Variants in F8 observed in about 807,000 individuals in gnomAD.
F8 encodes antihemophilic factor.
Under a neutral mutation model 140.6 loss-of-function variants are expected in F8, and 12 were observed. The ratio of observed to expected loss-of-function variants is 0.09; its 90% CI spans 0.05 to 0.14. The LOEUF is 0.14. Among genes scored for constraint, F8 ranks in the 10% least tolerant of loss-of-function variants. The probability of loss-of-function intolerance (pLI) is 1.00; values close to 1 mark genes in which losing one functional copy is unlikely to be tolerated. For missense variants in F8, 1,354 were observed against 1,720.7 expected, an observed-to-expected ratio of 0.79 and a Z score of 3.77; for synonymous variants, 585 against 614.6, an observed-to-expected ratio of 0.95 and a Z score of 0.71.
intron 13 of F8, among the ~76,000 whole-genome samples, chrX:154,945,427 A>G (rs1051696398): frequency 7.1e-5 from 8 of 112,149 alleles, no homozygotes; most frequent in South Asian, 3.7e-4. Context: ...GATTCATCCC[A>G]GGGATGCAAG....
intron 1 of F8, among the ~76,000 whole-genome samples, chrX:155,007,478 T>C (rs2073682581): frequency 8.9e-6 from 1 of 111,786 alleles, no homozygotes; most frequent in African/African-American, 3.3e-5. Context: ...ATATGCCATA[T>C]TGGGCCCAAC....
chrX:154,999,357 C>A (rs1351032564), intron 2 of F8, 122 bp downstream of exon 2: 3 of 758,278 alleles, frequency 4.0e-6, no homozygotes, highest in Non-Finnish European at 2.0e-6. Flanking sequence ...CTATAGGTAG[C>A]AGTTAGGGAA....
chrX:155,012,213 G>A (rs782504321), intron 1 of F8, among the ~76,000 whole-genome samples: 2 of 112,362 alleles, frequency 1.8e-5, no homozygotes, highest in South Asian at 3.6e-4. Context: ...CTGAAAATAA[G>A]TGATTTTTAC....
At chrX:154,838,939 A>AC (rs1254609155) in intron 25 of F8, among the ~76,000 whole-genome samples, 3 of 12,502 alleles carry the variant, frequency 2.4e-4, no homozygotes, top group Non-Finnish European at 3.0e-4. Context: ...CCACCCCCCC[A>AC]CCCCCCCAAG....
At chrX:154,857,766 A>G (rs188104414) in intron 25 of F8, among the ~76,000 whole-genome samples, 46 of 112,834 alleles carry the variant, frequency 4.1e-4, no homozygotes, top group African/African-American at 1.4e-3. Context: ...CTGAATGGGC[A>G]AAGGATGTGA....
At chrX:154,910,766 T>C (rs2073062807) in intron 14 of F8, among the ~76,000 whole-genome samples, 1 of 110,110 alleles carries the variant, frequency 9.1e-6, no homozygotes, top group Middle Eastern at 4.7e-3. Flanking sequence ...GGGTCTGTGC[T>C]GAGGAGGATT....
rs782379888 is a variant in F8, at chrX:154,945,105, C to T, written c.2113+2593G>A. ...TAATGGGTACAGCACACCAGCATGGCACATGTATACATATGTAACTAACCT... is the reference window on the plus strand; with the variant it reads ...TAATGGGTACAGCACACCAGCATGGTACATGTATACATATGTAACTAACCT... On this transcript the variant is annotated intron_variant, in intron 13 of 25. Coordinates refer to ENST00000360256, the MANE Select transcript of F8 (RefSeq NM_000132.4). 2.7e-5 allele frequency among the ~76,000 whole-genome samples: 3 copies of T among 110,066 alleles called. No individual in the cohort carries two copies. In the South Asian group the frequency reaches 1.2e-3, roughly 44 times the overall value.
At chrX:154,958,562 A>G (rs1557281397) in intron 10 of F8, among the ~76,000 whole-genome samples, 1 of 111,893 alleles carries the variant, frequency 8.9e-6, no homozygotes, top group Admixed American at 9.5e-5. Context: ...ATTCTTCCAT[A>G]AAGAAATGCA....
At chrX:154,964,721 G>T (rs2073414859) in intron 9 of F8, among the ~76,000 whole-genome samples, 1 of 111,271 alleles carries the variant, frequency 9.0e-6, no homozygotes, top group African/African-American at 3.3e-5. Context: ...ACAAGTAAGA[G>T]AATAAAATAT....
chrX:154,934,228 G>T, intron 13 of F8, among the ~76,000 whole-genome samples: 1 of 111,794 alleles, frequency 8.9e-6, no homozygotes, highest in East Asian at 2.8e-4. Flanking sequence ...AAAAAGAGTG[G>T]ATGCTCATGG....
At chrX:154,968,898 A>G (rs1557282272) in intron 7 of F8, among the ~76,000 whole-genome samples, 1 of 109,788 alleles carries the variant, frequency 9.1e-6, no homozygotes. Context: ...GAGCCCTTAC[A>G]GTTGCAATCT....
In F8 at chrX:154,860,504, C is replaced by T; in HGVS notation, c.6828G>A (p.Val2276=). 8.3e-7 allele frequency: 1 copy of T among 1,211,028 alleles called. No homozygotes were observed. The highest frequency in any genetic ancestry group is 1.1e-6 in the Non-Finnish European group (1 of 894,954). The change falls in exon 25 of 26, where the codon GTG becomes GTA. Residue 2276 remains valine, a synonymous_variant. Transcript: ENST00000360256. ...GVKSLLTSMY[V]KEFLISSSQD... is the part of the protein sequence containing the mutation. ...GACTGCTGGAGATGAGGAACTCCTTCACATACATGCTGGTAAGCAGAGATT... is the reference window on the plus strand; with the variant it reads ...GACTGCTGGAGATGAGGAACTCCTTTACATACATGCTGGTAAGCAGAGATT...
intron 25 of F8, among the ~76,000 whole-genome samples, chrX:154,839,524 G>A (rs184832892): frequency 0.067 from 7,367 of 109,411 alleles, 609 homozygotes; most frequent in African/African-American, 0.23. Flanking sequence ...CACCATGCCC[G>A]GCTCATTTTT....
intron 6 of F8, among the ~76,000 whole-genome samples, chrX:154,982,125 A>G (rs1350510761): frequency 9.1e-6 from 1 of 109,499 alleles, no homozygotes; most frequent in Non-Finnish European, 1.9e-5. Context: ...GGGAAGTTGC[A>G]GTGAGCTCAG....
At chrX:154,845,149 A>C (rs1286096039) in intron 25 of F8, among the ~76,000 whole-genome samples, 1 of 111,734 alleles carries the variant, frequency 8.9e-6, no homozygotes, top group Non-Finnish European at 1.9e-5. Context: ...AGCCCACTTG[A>C]TCATGGTGGA....
intron 25 of F8, among the ~76,000 whole-genome samples, chrX:154,852,332 A>G (rs1261222972): frequency 1.8e-5 from 2 of 111,630 alleles, no homozygotes; most frequent in African/African-American, 6.5e-5. Flanking sequence ...TTAGCCTCCC[A>G]AAGTGCTGGG....
intron 6 of F8, among the ~76,000 whole-genome samples, chrX:154,981,368 C>G (rs1401542535): frequency 2.8e-5 from 3 of 109,061 alleles, no homozygotes; most frequent in Non-Finnish European, 5.7e-5. Context: ...TATTCCACCA[C>G]TTTGCTCCAC....
intron 22 of F8, among the ~76,000 whole-genome samples, chrX:154,867,091 AG>A (rs1424394853): frequency 8.9e-6 from 1 of 111,870 alleles, no homozygotes; most frequent in Non-Finnish European, 1.9e-5. Flanking sequence ...GTTAACCTAG[AG>A]GAAATGGATA....
chrX:154,863,041 C>T, intron 23 of F8, 42 bp downstream of exon 23: 1 of 1,192,895 alleles, frequency 8.4e-7, no homozygotes, highest in Non-Finnish European at 1.1e-6. Flanking sequence ...TCACCCTACC[C>T]ATGGTTGAGG....
Sources: allele counts gnomAD v4.1 joint callset (sites outside exome capture counted in the v4.1 genomes callset), GRCh38; gene constraint gnomAD v4.1.1; transcripts MANE v1.5; gene names NCBI Gene and HGNC (gene_info 2026-07-23, HGNC 2026-07-21).